MYO1B: variants seen among roughly 807,000 people sequenced by gnomAD.
MYO1B encodes unconventional myosin-Ib.
In MYO1B, 72 loss-of-function variants were observed where a neutral mutation model predicts 159.7. That is an observed-to-expected ratio of 0.45 (90% CI 0.37 to 0.55). The LOEUF is 0.55. Among genes scored for constraint, MYO1B ranks in the 20% least tolerant of loss-of-function variants. The pLI, the probability that MYO1B is intolerant of heterozygous loss-of-function variation, is 0.00. For missense variants in MYO1B, 1,062 were observed against 1,364.8 expected, an observed-to-expected ratio of 0.78 and a Z score of 3.50; for synonymous variants, 468 against 473.8, an observed-to-expected ratio of 0.99 and a Z score of 0.16.
chr2:191,364,294 T>C lies in MYO1B; in HGVS notation c.1032+18T>C. On this transcript the variant is annotated intron_variant, in intron 11 of 30. Transcript: ENST00000392318. ...TGGCTCAGGTGGGTGAAACATAATGTACAGACGAAAGTTTCTTAAAAGTCT... is the reference window on the plus strand; with the variant it reads ...TGGCTCAGGTGGGTGAAACATAATGCACAGACGAAAGTTTCTTAAAAGTCT... 6 of 1,571,796 alleles carry C rather than the reference T, an allele frequency of 3.8e-6. No homozygotes were observed. The highest frequency in any genetic ancestry group is 4.4e-6 in the Non-Finnish European group (5 of 1,143,496).
At chr2:191,258,350 A>G (rs113389172) in intron 1 of MYO1B, among the ~76,000 whole-genome samples, 14,780 of 152,290 alleles carry the variant, frequency 0.097, 1,102 homozygotes, top group Non-Finnish European at 0.14. Context: ...ACACCTCTCT[A>G]GGGCACTTAT....
chr2:191,423,212 A>G (rs780061304), intron 30 of MYO1B, among the ~76,000 whole-genome samples: 9 of 152,242 alleles, frequency 5.9e-5, no homozygotes, highest in Non-Finnish European at 1.2e-4. Flanking sequence ...GGTATAGCCT[A>G]CTACACACAT....
At chr2:191,281,458 T>G (rs1688055450) in intron 2 of MYO1B, among the ~76,000 whole-genome samples, 1 of 152,204 alleles carries the variant, frequency 6.6e-6, no homozygotes, top group Admixed American at 6.5e-5. Context: ...TCTGACAGGC[T>G]CCGTGGGGTC....
intron 1 of MYO1B, among the ~76,000 whole-genome samples, chr2:191,261,402 C>T (rs1559123141): frequency 6.6e-6 from 1 of 152,180 alleles, no homozygotes; most frequent in African/African-American, 2.4e-5. Context: ...AGTATCCTCA[C>T]TGATATTATC....
Position 191,400,787 on chromosome 2 carries a change from G to A in MYO1B, c.2421G>A (p.Arg807=). Reference sequence around the variant, plus strand: ...TGAGACGGCTGAAGGAGGAGGCTAGGAATAAACATGCTATTGCAGTTATTT... The same window carrying A: ...TGAGACGGCTGAAGGAGGAGGCTAGAAATAAACATGCTATTGCAGTTATTT... The part of the protein sequence containing the change: ...RELRRLKEEA[R]NKHAIAVIWA... Residue 807 remains arginine, a synonymous_variant, in exon 23 of 31, where the codon AGG becomes AGA. Transcript: ENST00000392318. 1 of 1,613,974 alleles carries A rather than the reference G, an allele frequency of 6.2e-7. No individual in the cohort carries two copies. Among genetic ancestry groups the A allele is most frequent in the Non-Finnish European group, 8.5e-7 (1 of 1,179,890 alleles).
At chr2:191,267,280 T>G (rs958821384) in intron 1 of MYO1B, among the ~76,000 whole-genome samples, 3 of 152,228 alleles carry the variant, frequency 2.0e-5, no homozygotes, top group African/African-American at 7.2e-5. Context: ...CATTGCCTGG[T>G]AATTTCATGT....
intron 14 of MYO1B, among the ~76,000 whole-genome samples, chr2:191,382,838 T>G (rs2126075537): frequency 6.6e-6 from 1 of 152,312 alleles, no homozygotes; most frequent in East Asian, 1.9e-4. Flanking sequence ...CAAGATTGAC[T>G]CTAAAATTAA....
At chr2:191,278,681 A>G (rs1184778460) in intron 2 of MYO1B, among the ~76,000 whole-genome samples, 2 of 152,248 alleles carry the variant, frequency 1.3e-5, no homozygotes, top group Non-Finnish European at 2.9e-5. Context: ...GGTATAAAAC[A>G]CTGCTGCAGA....
intron 24 of MYO1B, chr2:191,407,771 C>T (rs536940428): frequency 7.2e-6 from 1 of 139,412 alleles, no homozygotes; most frequent in Non-Finnish European, 1.4e-5. Context: ...ACAAAACAAT[C>T]TGAAGAGAAC....
At position 191,395,760 on chromosome 2, in the gene MYO1B, T is replaced by G. The variant is rs563623786; in HGVS notation, c.2227-669T>G. 2.0e-5 allele frequency among the ~76,000 whole-genome samples: 3 copies of G among 152,324 alleles called. No individual in the cohort carries two copies. The East Asian group carries it at 5.8e-4, about 29-fold the overall frequency. On this transcript the variant is annotated intron_variant, in intron 20 of 30. Coordinates refer to ENST00000392318, the MANE Select transcript of MYO1B (RefSeq NM_001130158.3). ...AACCTCTGCTGCCTCTGAGCCTGAC[T>G]GTTGTGCTTTCTGTGCTGCATCTCT...
intron 2 of MYO1B, among the ~76,000 whole-genome samples, chr2:191,283,992 A>T (rs1311129811): frequency 6.6e-6 from 1 of 152,236 alleles, no homozygotes; most frequent in African/African-American, 2.4e-5. Flanking sequence ...GTCATAGGTG[A>T]TCATTACATG....
intron 7 of MYO1B, among the ~76,000 whole-genome samples, chr2:191,354,343 A>G (rs780147025): frequency 4.6e-5 from 7 of 151,514 alleles, no homozygotes; most frequent in Middle Eastern, 3.4e-3. Context: ...AATGATCACA[A>G]AAGTAATTAT....
At chr2:191,372,599 C>G (rs1694429376) in intron 13 of MYO1B, among the ~76,000 whole-genome samples, 7 of 152,172 alleles carry the variant, frequency 4.6e-5, no homozygotes, top group Admixed American at 4.6e-4. Flanking sequence ...GTAGGAAAGT[C>G]TAATCAGGAA....
At chr2:191,346,210 C>A (rs756006766) in intron 5 of MYO1B, 26 bp from the exon 6 acceptor site, 6 of 1,513,708 alleles carry the variant, frequency 4.0e-6, no homozygotes, top group South Asian at 3.8e-5. Context: ...ATTTTTTTAA[C>A]CATACATCTG....
chr2:191,375,732 G>A (rs1338806664), intron 13 of MYO1B, among the ~76,000 whole-genome samples: 1 of 152,032 alleles, frequency 6.6e-6, no homozygotes, highest in Non-Finnish European at 1.5e-5. Flanking sequence ...AGGCCAAGGC[G>A]GGCAGATCAC....
In MYO1B at chr2:191,304,121, G is replaced by A. The variant is rs150562042; in HGVS notation, c.251+7895G>A. Reference sequence around the variant, plus strand: ...GTCCATGTGGTGGTCAAGCTCTGCTGTTGACTTGAAGCTTCCTGAGGCTGG... The same window carrying A: ...GTCCATGTGGTGGTCAAGCTCTGCTATTGACTTGAAGCTTCCTGAGGCTGG... On this transcript the variant is annotated intron_variant, in intron 3 of 30. Transcript: ENST00000392318. Among the ~76,000 whole-genome samples the A allele has an allele frequency of 7.3e-4, 111 of 152,318 alleles. 1 individual carries two copies. Among genetic ancestry groups the A allele is most frequent in the Middle Eastern group, 3.4e-3 (1 of 294 alleles).
intron 21 of MYO1B, among the ~76,000 whole-genome samples, chr2:191,399,235 C>A (rs375031178): frequency 6.6e-6 from 1 of 151,696 alleles, no homozygotes; most frequent in South Asian, 2.1e-4. Flanking sequence ...AGCTTTGGCT[C>A]GGCATCAGAG....
chr2:191,325,504 T>C (rs1690997348), intron 3 of MYO1B, among the ~76,000 whole-genome samples: 1 of 152,130 alleles, frequency 6.6e-6, no homozygotes, highest in East Asian at 1.9e-4. Flanking sequence ...TCAGAATGGA[T>C]TAGATTGTCT....
intron 3 of MYO1B, among the ~76,000 whole-genome samples, chr2:191,326,374 C>G (rs905260147): frequency 1.3e-5 from 2 of 151,942 alleles, no homozygotes; most frequent in Admixed American, 6.6e-5. Context: ...TTGGGGCCCT[C>G]CCTTTTGCCC....
Sources: allele counts gnomAD v4.1 joint callset (sites outside exome capture counted in the v4.1 genomes callset), GRCh38; gene constraint gnomAD v4.1.1; transcripts MANE v1.5; gene names NCBI Gene and HGNC (gene_info 2026-07-23, HGNC 2026-07-21).